YAF2: variants seen among roughly 807,000 people sequenced by gnomAD.
YAF2 encodes the protein YY1-associated factor 2.
YAF2 carries 7 observed loss-of-function variants against 20.1 expected under a neutral mutation model. The observed-to-expected ratio is 0.35, with a 90% CI of 0.20 to 0.65. The LOEUF is 0.65. Among genes scored for constraint, YAF2 ranks in the 30% least tolerant of loss-of-function variants. The probability of loss-of-function intolerance (pLI) is 0.69; values close to 1 mark genes in which losing one functional copy is unlikely to be tolerated. For synonymous variants in YAF2, 74 were observed against 76.0 expected (o/e 0.97, Z 0.14); for missense variants, 151 against 219.2 (o/e 0.69, Z 1.96).
intron 2 of YAF2, among the ~76,000 whole-genome samples, chr12:42,204,058 C>A (rs2066972714): frequency 6.6e-6 from 1 of 152,084 alleles, no homozygotes; most frequent in African/African-American, 2.4e-5. Context: ...CACAGCAAGA[C>A]CCCATCTCTA....
chr12:42,237,787 G>C, intron 1 of YAF2, 63 bp from the exon 2 acceptor site: 3 of 1,207,648 alleles, frequency 2.5e-6, no homozygotes, highest in Non-Finnish European at 3.1e-6. Flanking sequence ...CCCGGTGCCC[G>C]GGCCCCGCGG....
chr12:42,193,042 G>A (rs897371119), intron 2 of YAF2, among the ~76,000 whole-genome samples: 1 of 152,120 alleles, frequency 6.6e-6, no homozygotes, highest in Non-Finnish European at 1.5e-5. Context: ...GGCCGGGCAC[G>A]GTGGCTCACA....
At position 42,197,277 on chromosome 12, in the gene YAF2, C is replaced by T. The variant is rs116079982; in HGVS notation, c.153-35512G>A. ...TGGTGTTCTTCCTTTGGCTATGAAC[C>T]CTCCTCTAACTCAAAAATTTGTCCA... On this transcript the variant is annotated intron_variant, in intron 2 of 3. Coordinates refer to ENST00000534854, the MANE Select transcript of YAF2 (RefSeq NM_005748.6). Among the ~76,000 whole-genome samples, 617 of 152,228 alleles carry T rather than the reference C, an allele frequency of 4.1e-3. 4 individuals carry two copies. Among genetic ancestry groups the T allele is most frequent in the African/African-American group, 0.014 (597 of 41,536 alleles).
intron 2 of YAF2, among the ~76,000 whole-genome samples, chr12:42,166,443 G>A (rs985365159): frequency 5.3e-5 from 8 of 152,138 alleles, no homozygotes; most frequent in Non-Finnish European, 1.2e-4. Flanking sequence ...GTCAAATATA[G>A]AAGATAAAGA....
At chr12:42,171,799 C>CAA (rs11352121) in intron 2 of YAF2, among the ~76,000 whole-genome samples, 1 of 142,960 alleles carries the variant, frequency 7.0e-6, no homozygotes, top group African/African-American at 2.6e-5. Context: ...ACAGAAAATA[C>CAA]AAAAAAAAAA....
At chr12:42,218,228 A>G (rs2067416493) in intron 2 of YAF2, among the ~76,000 whole-genome samples, 1 of 149,008 alleles carries the variant, frequency 6.7e-6, no homozygotes, top group Non-Finnish European at 1.5e-5. Flanking sequence ...ACACACACAC[A>G]GATGATTATC....
intron 2 of YAF2, among the ~76,000 whole-genome samples, chr12:42,217,052 C>T (rs991419798): frequency 6.6e-6 from 1 of 152,122 alleles, no homozygotes; most frequent in African/African-American, 2.4e-5. Flanking sequence ...TGCCTCTTGC[C>T]TAGACTATCA....
chr12:42,181,132 C>T (rs2066331663), intron 2 of YAF2, among the ~76,000 whole-genome samples: 1 of 152,166 alleles, frequency 6.6e-6, no homozygotes, highest in African/African-American at 2.4e-5. Context: ...TAGGTTACAG[C>T]ACATTCAGAG....
intron 2 of YAF2, among the ~76,000 whole-genome samples, chr12:42,222,930 C>T (rs185821524): frequency 2.0e-5 from 3 of 150,418 alleles, no homozygotes; most frequent in African/African-American, 7.3e-5. Context: ...TTTATTGCTG[C>T]CAAATTCTTT....
At position 42,159,398 on chromosome 12, in the gene YAF2, C is replaced by G. The variant is rs559631902; in HGVS notation, c.*1191G>C. 1 of 152,014 alleles carries G rather than the reference C, an allele frequency of 6.6e-6. No individual in the cohort carries two copies. The highest frequency in any genetic ancestry group is 2.4e-5 in the African/African-American group (1 of 41,438). 9.4% of individuals were successfully genotyped at this position (152,014 alleles called of 1,614,324 possible). ...GGTTTCTAGGTTGAAATTCTAAATA[C>G]AACATAAAACTCTTTAAATAGTTGT... On this transcript the variant is annotated 3_prime_UTR_variant, in exon 4 of 4. Transcript: ENST00000534854.
intron 2 of YAF2, among the ~76,000 whole-genome samples, chr12:42,186,286 G>A (rs1056333513): frequency 1.2e-4 from 18 of 151,882 alleles, no homozygotes; most frequent in South Asian, 4.2e-4. Flanking sequence ...CCTGGGAGGC[G>A]GAGGTTACAG....
intron 2 of YAF2, among the ~76,000 whole-genome samples, chr12:42,202,348 T>C (rs1369309771): frequency 6.6e-6 from 1 of 152,218 alleles, no homozygotes; most frequent in Non-Finnish European, 1.5e-5. Context: ...TATACTCCTG[T>C]GTGTGATCCA....
chr12:42,186,960 T>C (rs1035986447), intron 2 of YAF2, among the ~76,000 whole-genome samples: 2 of 152,026 alleles, frequency 1.3e-5, no homozygotes, highest in African/African-American at 2.4e-5. Context: ...TAAATTAGCA[T>C]AGGAGGTAGT....
intron 2 of YAF2, among the ~76,000 whole-genome samples, chr12:42,202,572 T>G (rs1592238016): frequency 6.6e-6 from 1 of 152,342 alleles, no homozygotes; most frequent in East Asian, 1.9e-4. Flanking sequence ...GAGAGAGTCA[T>G]CCCATGTTAT....
intron 2 of YAF2, among the ~76,000 whole-genome samples, chr12:42,163,291 C>A (rs1207895433): frequency 1.3e-5 from 2 of 151,900 alleles, no homozygotes; most frequent in African/African-American, 4.8e-5. Flanking sequence ...AGAAGGGATC[C>A]CATGATTAAA....
intron 2 of YAF2, among the ~76,000 whole-genome samples, chr12:42,170,133 A>C (rs2066010021): frequency 2.6e-5 from 4 of 152,194 alleles, no homozygotes; most frequent in Non-Finnish European, 5.9e-5. Context: ...CAGCCTCCCA[A>C]AGTGCTGGGG....
chr12:42,181,511 G>A (rs1431423148), intron 2 of YAF2, among the ~76,000 whole-genome samples: 2 of 152,198 alleles, frequency 1.3e-5, no homozygotes, highest in Non-Finnish European at 2.9e-5. Context: ...GCTTACTGCA[G>A]TATTCTCAAA....
intron 2 of YAF2, among the ~76,000 whole-genome samples, chr12:42,164,243 G>T (rs1306441856): frequency 6.6e-6 from 1 of 152,170 alleles, no homozygotes; most frequent in African/African-American, 2.4e-5. Flanking sequence ...ATCTTTCATA[G>T]ATAGCCCAAA....
chr12:42,193,401 T>C (rs2066667613), intron 2 of YAF2, among the ~76,000 whole-genome samples: 1 of 152,174 alleles, frequency 6.6e-6, no homozygotes, highest in African/African-American at 2.4e-5. Flanking sequence ...TACTAGTTTA[T>C]GTATTTACTA....
Sources: gnomAD v4.1 joint callset for allele counts (sites outside exome capture counted in the v4.1 genomes callset) on GRCh38, gnomAD v4.1.1 for gene constraint, MANE v1.5 for transcripts, NCBI Gene and HGNC (gene_info 2026-07-23, HGNC 2026-07-21) for gene names.